The following VPS13B variants were observed in gnomAD, a reference collection of about 807,000 sequenced individuals.
VPS13B encodes the protein vacuolar protein sorting 13 homolog B, also known as intermembrane lipid transfer protein VPS13B.
VPS13B carries 285 observed loss-of-function variants against 426.4 expected under a neutral mutation model. The observed-to-expected ratio is 0.67, with a 90% CI of 0.61 to 0.74. The LOEUF (loss-of-function observed/expected upper bound fraction) is 0.74. Among genes scored for constraint, VPS13B ranks in the 30% least tolerant of loss-of-function variants. The probability of loss-of-function intolerance (pLI) is 0.00; values close to 1 mark genes in which losing one functional copy is unlikely to be tolerated. For missense variants in VPS13B, 4,537 were observed against 4,782.6 expected, an observed-to-expected ratio of 0.95 and a Z score of 1.51; for synonymous variants, 1,676 against 1,676.4, an observed-to-expected ratio of 1.00 and a Z score of 0.01.
At chr8:99,377,189 G>C (rs970979959) in intron 19 of VPS13B, among the ~76,000 whole-genome samples, 1 of 150,828 alleles carries the variant, frequency 6.6e-6, no homozygotes, top group Non-Finnish European at 1.5e-5. Context: ...AGGGTTTATT[G>C]GGCCTCCTAG....
chr8:99,214,715 T>C (rs1396987761), intron 17 of VPS13B, among the ~76,000 whole-genome samples: 1 of 152,208 alleles, frequency 6.6e-6, no homozygotes, highest in Non-Finnish European at 1.5e-5. Flanking sequence ...CCATCTTTAC[T>C]TCTGTCACAC....
chr8:99,412,061 A>G (rs951180175), intron 21 of VPS13B, among the ~76,000 whole-genome samples: 2 of 152,212 alleles, frequency 1.3e-5, no homozygotes, highest in African/African-American at 4.8e-5. Context: ...TGAAATTTAA[A>G]GTAGTTTTTT....
chr8:99,125,553 A>G (rs1848154296), intron 8 of VPS13B, among the ~76,000 whole-genome samples: 1 of 152,208 alleles, frequency 6.6e-6, no homozygotes, highest in Non-Finnish European at 1.5e-5. Flanking sequence ...AGTATTAACC[A>G]TCACAGATGA....
chr8:99,085,070 A>G (rs1258295117), intron 3 of VPS13B, among the ~76,000 whole-genome samples: 2 of 151,996 alleles, frequency 1.3e-5, no homozygotes, highest in Non-Finnish European at 2.9e-5. Flanking sequence ...ATCTCCCATT[A>G]TTATTGTATG....
intron 33 of VPS13B, among the ~76,000 whole-genome samples, chr8:99,594,031 A>G (rs1005304759): frequency 3.3e-5 from 5 of 151,998 alleles, no homozygotes; most frequent in Non-Finnish European, 5.9e-5. Context: ...AGATTTACCT[A>G]TGTGACAAAC....
chr8:99,556,516 A>G lies in VPS13B; in HGVS notation c.4812A>G (p.Ile1604Met), dbSNP rs1824574633. Residue 1604 changes from isoleucine (I) to methionine (M), a missense_variant, in exon 31 of 62, where the codon ATA becomes ATG. Around this residue, in one of 2 missense-constraint regions of VPS13B, gnomAD observed 4,311 missense variants for 4,474.3 expected, o/e 0.96. Coordinates refer to ENST00000357162, the MANE Select transcript of VPS13B (RefSeq NM_152564.5). ...AAATCGAAGACAGACAATACCAAAT[A>G]GATCTGCAGTCCATCAATATTGGTA... is the stretch of plus-strand genomic sequence containing the variant. ...GSEIEDRQYQ[I>M]DLQSINIGTA... The G allele has an allele frequency of 6.2e-7, 1 of 1,613,190 alleles. No homozygotes were observed. Among genetic ancestry groups the G allele is most frequent in the African/African-American group, 1.3e-5 (1 of 74,890 alleles).
chr8:99,294,658 G>A (rs1388136136), intron 19 of VPS13B, among the ~76,000 whole-genome samples: 2 of 152,156 alleles, frequency 1.3e-5, no homozygotes, highest in Non-Finnish European at 2.9e-5. Flanking sequence ...CATTAAAGCT[G>A]TTACTCTGGA....
intron 37 of VPS13B, among the ~76,000 whole-genome samples, chr8:99,718,138 G>T (rs1832995328): frequency 6.6e-6 from 1 of 151,984 alleles, no homozygotes; most frequent in African/African-American, 2.4e-5. Flanking sequence ...GGAGTACAGG[G>T]GTACAATAAT....
At chr8:99,663,518 C>T (rs971956191) in intron 35 of VPS13B, among the ~76,000 whole-genome samples, 15 of 152,166 alleles carry the variant, frequency 9.9e-5, no homozygotes, top group Non-Finnish European at 2.1e-4. Flanking sequence ...TACCATATTT[C>T]ATTCCATCTA....
intron 8 of VPS13B, among the ~76,000 whole-genome samples, chr8:99,122,200 ATC>A (rs1281347301): frequency 6.6e-6 from 1 of 151,408 alleles, no homozygotes; most frequent in Non-Finnish European, 1.5e-5. Flanking sequence ...ACATATAATT[ATC>A]TCTTTCCTCA....
chr8:99,361,787 A>G (rs147955982), intron 19 of VPS13B, among the ~76,000 whole-genome samples: 174 of 152,344 alleles, frequency 1.1e-3, no homozygotes, highest in African/African-American at 3.5e-3. Context: ...TTAGGTCTCC[A>G]TGTAATTTTT....
At chr8:99,297,228 T>C (rs1820089074) in intron 19 of VPS13B, among the ~76,000 whole-genome samples, 2 of 152,140 alleles carry the variant, frequency 1.3e-5, no homozygotes, top group Non-Finnish European at 2.9e-5. Flanking sequence ...AAGTGAAAGA[T>C]TTTGTTTGAA....
chr8:99,120,816 T>C (rs536227431), intron 7 of VPS13B, among the ~76,000 whole-genome samples: 1 of 152,270 alleles, frequency 6.6e-6, no homozygotes, highest in Admixed American at 6.5e-5. Flanking sequence ...TTTCAATATA[T>C]CAGCCTTATT....
chr8:99,144,173 C>A (rs1473223983), intron 13 of VPS13B, among the ~76,000 whole-genome samples: 1 of 151,926 alleles, frequency 6.6e-6, no homozygotes, highest in Non-Finnish European at 1.5e-5. Flanking sequence ...CGCCCTGGAT[C>A]CTTTAGACTC....
chr8:99,531,624 T>G (rs1400529670), intron 30 of VPS13B, among the ~76,000 whole-genome samples: 2 of 152,118 alleles, frequency 1.3e-5, no homozygotes, highest in Non-Finnish European at 2.9e-5. Context: ...ATTGGTTTTA[T>G]TTTAAAACAA....
intron 43 of VPS13B, among the ~76,000 whole-genome samples, chr8:99,803,069 T>C (rs909867015): frequency 2.6e-5 from 4 of 152,200 alleles, no homozygotes; most frequent in African/African-American, 9.6e-5. Context: ...AAATTTTTAT[T>C]AAAATAGCAC....
At chr8:99,836,805 T>A (rs1026322053) in intron 54 of VPS13B, among the ~76,000 whole-genome samples, 3 of 152,248 alleles carry the variant, frequency 2.0e-5, no homozygotes, top group Non-Finnish European at 4.4e-5. Context: ...CGAGGCATTG[T>A]GCTAAGCACT....
At chr8:99,344,659 C>A (rs1811438304) in intron 19 of VPS13B, among the ~76,000 whole-genome samples, 1 of 151,968 alleles carries the variant, frequency 6.6e-6, no homozygotes, top group Admixed American at 6.6e-5. Context: ...TTTATTTTGC[C>A]CTTCCCTGGT....
chr8:99,757,046 GAGGGCTATTCAA>G (rs1424053004), intron 39 of VPS13B, among the ~76,000 whole-genome samples: 2 of 152,116 alleles, frequency 1.3e-5, no homozygotes, highest in African/African-American at 4.8e-5. Flanking sequence ...GTATCTTGTA[GAGGGCTATTCAA>G]AGGGTAGTTT....
Sources: allele counts gnomAD v4.1 joint callset (sites outside exome capture counted in the v4.1 genomes callset), GRCh38; gene constraint gnomAD v4.1.1; regional missense constraint gnomAD v4.1.1; transcripts MANE v1.5; gene names NCBI Gene and HGNC (gene_info 2026-07-23, HGNC 2026-07-21).